The following FDFT1 variants were observed in gnomAD, a reference collection of about 807,000 sequenced individuals.
FDFT1 encodes the protein farnesyl-diphosphate farnesyltransferase 1.
FDFT1 carries 68 observed loss-of-function variants against 46.8 expected under a neutral mutation model. The observed-to-expected ratio is 1.45, with a 90% CI of 1.19 to 1.78. The LOEUF (loss-of-function observed/expected upper bound fraction) is 1.78, where lower values mean the gene tolerates loss of function less well. Ranked by LOEUF, FDFT1 falls within the 40% of genes most tolerant of loss-of-function variation. The probability of loss-of-function intolerance (pLI) is 0.00; values close to 1 mark genes in which losing one functional copy is unlikely to be tolerated. For synonymous variants in FDFT1, 351 were observed against 185.1 expected (o/e 1.90, Z -7.28); for missense variants, 928 against 524.4 (o/e 1.77, Z -7.52).
At chr8:11,817,286 G>T (rs1358786319) in intron 3 of FDFT1, among the ~76,000 whole-genome samples, 1 of 152,156 alleles carries the variant, frequency 6.6e-6, no homozygotes, top group Non-Finnish European at 1.5e-5. Flanking sequence ...TTTTATAGAG[G>T]ATTTTCGCAT....
chr8:11,815,804 C>T (rs1212300034), intron 3 of FDFT1, among the ~76,000 whole-genome samples: 5 of 152,086 alleles, frequency 3.3e-5, no homozygotes, highest in Non-Finnish European at 7.3e-5. Flanking sequence ...AAAATTTTCT[C>T]CTATTCTGTA....
In FDFT1 at chr8:11,818,983, G is replaced by C. The variant is rs528526049; in HGVS notation, c.382-2767G>C. The stretch of plus-strand genomic sequence containing the variant: ...TACAATTTGGCATGTTTTTGCAGTG[G>C]CTGGTACCAGTTGTTCCTTTCCATT... On this transcript the variant is annotated intron_variant, in intron 3 of 7. Coordinates refer to ENST00000220584, the MANE Select transcript of FDFT1 (RefSeq NM_004462.5). 3.9e-5 allele frequency among the ~76,000 whole-genome samples: 6 copies of C among 152,298 alleles called. No homozygotes were observed. The South Asian group carries it at 1.2e-3, about 32-fold the overall frequency.
rs1043084281 is a variant in FDFT1 at position 11,803,260 on chromosome 8, T to G, written c.99+329T>G. Reference sequence around the variant, plus strand: ...CCCGAGGGTTACACATCTGAGGCAATGTGGGTGGGTTACGCGGGAGAGGAC... The same window carrying G: ...CCCGAGGGTTACACATCTGAGGCAAGGTGGGTGGGTTACGCGGGAGAGGAC... On this transcript the variant is annotated intron_variant, in intron 1 of 7. Coordinates refer to ENST00000220584, the MANE Select transcript of FDFT1 (RefSeq NM_004462.5). 35 of 1,348,650 alleles carry G rather than the reference T, an allele frequency of 2.6e-5. No individual in the cohort carries two copies. In the Middle Eastern group the frequency reaches 1.2e-3, roughly 46 times the overall value. 83.5% of individuals were successfully genotyped at this position (1,348,650 alleles called of 1,614,324 possible). A position where few individuals can be genotyped will look rare whatever the true frequency, so the allele number is the denominator to read the frequency against.
chr8:11,826,212 A>T lies in FDFT1; in HGVS notation c.699A>T (p.Gln233His). The change falls in exon 5 of 8, where the codon CAA becomes CAT. Residue 233 changes from glutamine to histidine, a missense_variant. Physicochemically the swap from Gln to His is conservative, Grantham distance 24 (BLOSUM62 0). Transcript: ENST00000220584. ...DQQGGREFWP[Q>H]EVWSRYVKKL... ...AAGGAGGAAGAGAGTTCTGGCCTCA[A>T]GAGGTAACAGATTCAGGGTATTTTG... 6.5e-7 allele frequency: 1 copy of T among 1,532,504 alleles called. No individual in the cohort carries two copies. Among genetic ancestry groups the T allele is most frequent in the Non-Finnish European group, 8.9e-7 (1 of 1,125,668 alleles). 94.9% of individuals were successfully genotyped at this position (1,532,504 alleles called of 1,614,324 possible).
intron 3 of FDFT1, among the ~76,000 whole-genome samples, chr8:11,811,248 A>G (rs1254413701): frequency 1.3e-5 from 2 of 152,220 alleles, no homozygotes; most frequent in African/African-American, 4.8e-5. Context: ...GTGGCGATTC[A>G]TTGATGGGCC....
intron 5 of FDFT1, among the ~76,000 whole-genome samples, chr8:11,827,903 A>T (rs1192088018): frequency 2.6e-5 from 4 of 151,900 alleles, no homozygotes; most frequent in Non-Finnish European, 5.9e-5. Flanking sequence ...AACAAAACAA[A>T]AAAAACAGTA....
chr8:11,820,938 C>T (rs145166451), intron 3 of FDFT1, among the ~76,000 whole-genome samples: 1 of 152,212 alleles, frequency 6.6e-6, no homozygotes, highest in Non-Finnish European at 1.5e-5. Context: ...AGAAATCACC[C>T]ATCTTCTGCA....
At chr8:11,815,742 T>G (rs1021401448) in intron 3 of FDFT1, among the ~76,000 whole-genome samples, 6 of 152,248 alleles carry the variant, frequency 3.9e-5, no homozygotes, top group Non-Finnish European at 7.3e-5. Context: ...AAATTTTTTT[T>G]AAGTTCTTTG....
At chr8:11,822,856 C>T (rs1457213069) in intron 4 of FDFT1, among the ~76,000 whole-genome samples, 1 of 152,186 alleles carries the variant, frequency 6.6e-6, no homozygotes, top group Non-Finnish European at 1.5e-5. Context: ...GGCCAAGAAC[C>T]AGCACTGGTT....
At chr8:11,801,728 C>G (rs935394482), upstream of FDFT1, 1 of 317,068 alleles carries the variant, frequency 3.2e-6, no homozygotes, top group Non-Finnish European at 6.1e-6. Flanking sequence ...TAGTCTTGCT[C>G]TGTTGGCCTG....
chr8:11,838,449 C>T lies in FDFT1; in HGVS notation c.1094C>T (p.Thr365Ile). 1.2e-6 allele frequency: 2 copies of T among 1,609,746 alleles called. No individual in the cohort carries two copies. The highest frequency in any genetic ancestry group is 2.2e-5 in the South Asian group (2 of 90,446). The change falls in exon 8 of 8, where the codon ACC (threonine) becomes ATC (isoleucine). Residue 365 changes from threonine (T) to isoleucine (I), a missense_variant. Physicochemically the swap from Thr to Ile is moderately conservative, Grantham distance 89. Coordinates refer to ENST00000220584, the MANE Select transcript of FDFT1 (RefSeq NM_004462.5). ...SSSKTRQIIS[T>I]IRTQNLPNCQ... Reference sequence around the variant, plus strand: ...AGCAAAACAAGGCAGATCATCTCCACCATCCGGACGCAGAATCTTCCCAAC... The same window carrying T: ...AGCAAAACAAGGCAGATCATCTCCATCATCCGGACGCAGAATCTTCCCAAC...
chr8:11,832,566 AAAAAAAAAAAG>A, intron 7 of FDFT1, among the ~76,000 whole-genome samples: 1 of 148,936 alleles, frequency 6.7e-6, no homozygotes, highest in Non-Finnish European at 1.5e-5. Context: ...AAAAAAAAAA[AAAAAAAAAAAG>A]TCTTAGAGAC....
intron 3 of FDFT1, among the ~76,000 whole-genome samples, chr8:11,813,007 C>T (rs79557156): frequency 8.4e-4 from 127 of 151,094 alleles, no homozygotes; most frequent in African/African-American, 2.9e-3. Context: ...ATAGCTACTA[C>T]AGACGTAGGC....
intron 7 of FDFT1, among the ~76,000 whole-genome samples, chr8:11,833,495 T>C (rs1252201191): frequency 2.0e-5 from 3 of 152,242 alleles, no homozygotes; most frequent in Non-Finnish European, 2.9e-5. Flanking sequence ...ATCACTAGTT[T>C]TAGAAACCAG....
At chr8:11,833,427 A>G (rs573314049) in intron 7 of FDFT1, among the ~76,000 whole-genome samples, 15 of 152,370 alleles carry the variant, frequency 9.8e-5, no homozygotes, top group African/African-American at 2.4e-4. Context: ...TTCATTTTAT[A>G]TAAACTAGAA....
chr8:11,838,322 G>A (rs966149763), intron 7 of FDFT1, 66 bp from the exon 8 acceptor site: 5 of 1,256,336 alleles, frequency 4.0e-6, no homozygotes, highest in African/African-American at 1.5e-5. Flanking sequence ...GTGGAGGGTT[G>A]TTGTAAGTAG....
intron 1 of FDFT1, among the ~76,000 whole-genome samples, chr8:11,804,510 A>G (rs1025737124): frequency 4.6e-5 from 7 of 151,990 alleles, no homozygotes; most frequent in Admixed American, 2.0e-4. Flanking sequence ...TTACATCCCC[A>G]TGAGCCGTTA....
upstream of FDFT1, chr8:11,801,933 C>T (rs1199770336): frequency 2.2e-5 from 10 of 454,904 alleles, no homozygotes; most frequent in South Asian, 1.4e-4. Context: ...TCGTGATCCA[C>T]CCGCCTTGGC....
chr8:11,823,375 T>C (rs766301569), intron 4 of FDFT1, among the ~76,000 whole-genome samples: 20 of 152,226 alleles, frequency 1.3e-4, no homozygotes, highest in South Asian at 2.1e-4. Flanking sequence ...ACTATAGATA[T>C]ACTAATTTTT....
Sources: allele counts gnomAD v4.1 joint callset (sites outside exome capture counted in the v4.1 genomes callset), GRCh38; gene constraint gnomAD v4.1.1; transcripts MANE v1.5; gene names NCBI Gene and HGNC (gene_info 2026-07-23, HGNC 2026-07-21).